The following NR4A1 variants were observed in gnomAD, a reference collection of about 807,000 sequenced individuals.
NR4A1 encodes nuclear receptor subfamily 4 group A member 1.
Under a neutral mutation model 47.5 loss-of-function variants are expected in NR4A1, and 24 were observed. That is an observed-to-expected ratio of 0.50 (90% CI 0.37 to 0.71). NR4A1 has a LOEUF of 0.71. NR4A1 is among the 30% of genes least tolerant of loss of function. The pLI is 0.00. For synonymous variants in NR4A1, 353 were observed against 345.7 expected (o/e 1.02, Z -0.24); for missense variants, 669 against 788.6 (o/e 0.85, Z 1.82).
At position 52,059,086 on chromosome 12, in the gene NR4A1, G is replaced by T; in HGVS notation, c.*142G>T. 1 of 1,120,256 alleles carries T rather than the reference G, an allele frequency of 8.9e-7. No individual in the cohort carries two copies. The highest frequency in any genetic ancestry group is 2.8e-5 in the Admixed American group (1 of 35,946). 69.4% of individuals were successfully genotyped at this position (1,120,256 alleles called of 1,614,324 possible). ...CCTTCTCACCTGCTCCAGGAGGTTT[G>T]CAGGGAGCTCAAGCCCTTGGGGAGG... On this transcript the variant is annotated 3_prime_UTR_variant, in exon 7 of 7. Coordinates refer to ENST00000394825, the MANE Select transcript of NR4A1 (RefSeq NM_173157.3).
rs775188977 is a variant in NR4A1 at position 52,056,500 on chromosome 12, G to A, written c.1013G>A (p.Arg338Gln). ...CCTACCCATTCCTTTGCAGTTGTCC[G>A]AACAGACAGCCTGAAGGGGCGGCGG... ...LAVGMVKEVV[R>Q]TDSLKGRRGR... Residue 338 changes from arginine (R) to glutamine (Q), a missense_variant, in exon 4 of 7, where the codon CGA becomes CAA. Coordinates refer to ENST00000394825, the MANE Select transcript of NR4A1 (RefSeq NM_173157.3). 2.5e-6 allele frequency: 4 copies of A among 1,612,732 alleles called. No homozygotes were observed. The highest frequency in any genetic ancestry group is 1.3e-5 in the African/African-American group (1 of 74,816).
intron 2 of NR4A1, chr12:52,043,960 A>AT: frequency 7.8e-7 from 1 of 1,281,310 alleles, no homozygotes. Flanking sequence ...GGCTGTTTGG[A>AT]TTTTTTCCCA....
intron 2 of NR4A1, 73 bp downstream of exon 2, chr12:52,055,277 G>T (rs184039943): frequency 7.3e-4 from 1,151 of 1,577,706 alleles, no homozygotes; most frequent in Non-Finnish European, 9.1e-4. Context: ...TGGGACCTGT[G>T]GTCTCCCCCT....
At chr12:52,039,057 C>G (rs1026084452) in intron 1 of NR4A1, among the ~76,000 whole-genome samples, 3 of 152,252 alleles carry the variant, frequency 2.0e-5, no homozygotes, top group Non-Finnish European at 4.4e-5. Flanking sequence ...TTGCCAATTC[C>G]TAGCTGTGTG....
chr12:52,043,988 A>C lies in NR4A1; in HGVS notation c.37+2059A>C, dbSNP rs927437424. 6 of 1,243,876 alleles carry C rather than the reference A, an allele frequency of 4.8e-6. No homozygotes were observed. The African/African-American group carries it at 9.3e-5, about 19-fold the overall frequency. 77.1% of individuals were successfully genotyped at this position (1,243,876 alleles called of 1,614,324 possible). On this transcript the variant is annotated intron_variant, in intron 2 of 7. Transcript: ENST00000360284. ...TTTTCCCATTGTGACTGTCATGCCA[A>C]ACCCTTTGGCCTTGGGCTGCGGGGA...
rs145615493 is a variant in NR4A1, at chr12:52,054,503, G to A, written c.175G>A (p.Gly59Ser). ...GCCCAGCTTCAGCACCTTCATGGAC[G>A]GCTACACAGGAGAGTTTGACACCTT... ...ALPSFSTFMD[G>S]YTGEFDTFLY... Residue 59 changes from glycine (G) to serine (S), a missense_variant, in exon 2 of 7, where the codon GGC becomes AGC. Gly to Ser is a moderately conservative substitution (Grantham distance 56). Transcript: ENST00000394825. 9 of 1,613,724 alleles carry A rather than the reference G, an allele frequency of 5.6e-6. No individual in the cohort carries two copies. Among genetic ancestry groups the A allele is most frequent in the African/African-American group, 4.0e-5 (3 of 74,866 alleles).
At chr12:52,057,643 G>A in intron 6 of NR4A1, 113 bp downstream of exon 6, 1 of 1,266,510 alleles carries the variant, frequency 7.9e-7, no homozygotes, top group African/African-American at 1.5e-5. Context: ...GCACTTTCTG[G>A]GCCCCTGCAC....
chr12:52,043,690 A>G, intron 2 of NR4A1: 2 of 1,235,778 alleles, frequency 1.6e-6, no homozygotes, highest in Non-Finnish European at 2.1e-6. Flanking sequence ...TGCTATATAA[A>G]CAGAGGAGGA....
intron 2 of NR4A1, among the ~76,000 whole-genome samples, chr12:52,042,331 G>C (rs1320430369): frequency 2.0e-5 from 3 of 152,086 alleles, no homozygotes; most frequent in Non-Finnish European, 4.4e-5. Flanking sequence ...CTGTCTCCCA[G>C]GTGTAGACAC....
chr12:52,044,019 C>G, intron 2 of NR4A1: 1 of 963,576 alleles, frequency 1.0e-6, no homozygotes, highest in Non-Finnish European at 1.4e-6. Context: ...GGGGAGGAAG[C>G]AAGGGTGGCC....
rs572570372 is a variant in NR4A1 at position 52,056,377 on chromosome 12, G to A, written c.1007-117G>A. The A allele has an allele frequency of 4.1e-6, 6 of 1,455,922 alleles. No individual in the cohort carries two copies. The East Asian group carries it at 9.6e-5, about 23-fold the overall frequency. The allele number at this position is 1,455,922 out of a possible 1,614,324, so 90.2% of individuals were successfully genotyped here. ...TTCCTATAGGGTACCTTGGATCTCAGGGACTCTGGGTCCTAGGGACTCGGT... is the reference window on the plus strand; with the variant it reads ...TTCCTATAGGGTACCTTGGATCTCAAGGACTCTGGGTCCTAGGGACTCGGT... On this transcript the variant is annotated intron_variant, in intron 3 of 6. Coordinates refer to ENST00000394825, the MANE Select transcript of NR4A1 (RefSeq NM_173157.3).
rs768836755 is a variant in NR4A1 at position 52,056,025 on chromosome 12, C to T, written c.877-5C>T. 1.1e-5 allele frequency: 17 copies of T among 1,523,016 alleles called. No homozygotes were observed. In the South Asian group the frequency reaches 1.2e-4, roughly 10 times the overall value. The allele number at this position is 1,523,016 out of a possible 1,614,324, so 94.3% of individuals were successfully genotyped here. A position where few individuals can be genotyped will look rare whatever the true frequency, so the allele number is the denominator to read the frequency against. ...CAGCTTGTTCCGTGTTGCCCCCCCA[C>T]CCAGCGCACAGTGCAGAAAAACGCC... On this transcript the variant is annotated splice_polypyrimidine_tract_variant and splice_region_variant and intron_variant, in intron 2 of 6. Coordinates refer to ENST00000394825, the MANE Select transcript of NR4A1 (RefSeq NM_173157.3).
chr12:52,023,691 C>A (rs1311822783), intron 1 of NR4A1, among the ~76,000 whole-genome samples: 2 of 151,988 alleles, frequency 1.3e-5, no homozygotes, highest in African/African-American at 4.8e-5. Flanking sequence ...CCGGCCCAGC[C>A]CCTCCCCTGC....
At chr12:52,055,270 G>T in intron 2 of NR4A1, 66 bp downstream of exon 2, 1 of 1,586,824 alleles carries the variant, frequency 6.3e-7, no homozygotes, top group Non-Finnish European at 8.5e-7. Context: ...ATCCCATTGG[G>T]ACCTGTGGTC....
intron 1 of NR4A1, among the ~76,000 whole-genome samples, chr12:52,023,896 ACTCGTCAC>A (rs1307685372): frequency 1.3e-5 from 2 of 151,618 alleles, no homozygotes; most frequent in Admixed American, 1.3e-4. Flanking sequence ...GAACGGCCAC[ACTCGTCAC>A]CTCGCCCCCG....
At chr12:52,042,128 G>A (rs1022376502) in intron 2 of NR4A1, among the ~76,000 whole-genome samples, 2 of 152,090 alleles carry the variant, frequency 1.3e-5, no homozygotes, top group African/African-American at 4.8e-5. Context: ...GGGGACTGGG[G>A]AAGCCTTATT....
At chr12:52,031,053 T>C (rs1468772307) in intron 1 of NR4A1, among the ~76,000 whole-genome samples, 1 of 151,804 alleles carries the variant, frequency 6.6e-6, no homozygotes, top group Non-Finnish European at 1.5e-5. Context: ...TCTCACTCTG[T>C]CGCCCAGGCT....
At chr12:52,031,088 T>C (rs1029918836) in intron 1 of NR4A1, among the ~76,000 whole-genome samples, 2 of 152,154 alleles carry the variant, frequency 1.3e-5, no homozygotes, top group African/African-American at 4.8e-5. Flanking sequence ...CTGTCACAGC[T>C]CGCTACAGCC....
chr12:52,058,656 G>C (rs1939397467), intron 6 of NR4A1, 32 bp from the exon 7 acceptor site: 7 of 1,526,902 alleles, frequency 4.6e-6, no homozygotes, highest in African/African-American at 1.4e-5. Context: ...CTGGTTCTCA[G>C]ATGTACAGCT....
Sources: allele counts gnomAD v4.1 joint callset (sites outside exome capture counted in the v4.1 genomes callset), GRCh38; gene constraint gnomAD v4.1.1; transcripts MANE v1.5; gene names NCBI Gene and HGNC (gene_info 2026-07-23, HGNC 2026-07-21).